LTBP1: variants seen among roughly 807,000 people sequenced by gnomAD.
The protein encoded by LTBP1 is latent transforming growth factor beta binding protein 1, also known as latent-transforming growth factor beta-binding protein 1.
In LTBP1, 129 loss-of-function variants were observed where a neutral mutation model predicts 207.6. That is an observed-to-expected ratio of 0.62 (90% CI 0.54 to 0.72). LTBP1 has a LOEUF of 0.72. LTBP1 is among the 30% of genes least tolerant of loss of function. The pLI is 0.00. For missense variants in LTBP1, 2,281 were observed against 2,217.2 expected (o/e 1.03, Z -0.58); for synonymous variants, 963 against 833.7 (o/e 1.16, Z -2.67).
intron 26 of LTBP1, among the ~76,000 whole-genome samples, chr2:33,353,405 AC>A (rs2094809775): frequency 6.6e-6 from 1 of 152,004 alleles, no homozygotes; most frequent in South Asian, 2.1e-4. Flanking sequence ...TGCTCTCAAC[AC>A]GCCTTGCTTT....
At chr2:33,081,491 A>C (rs2078395941) in intron 3 of LTBP1, among the ~76,000 whole-genome samples, 1 of 152,090 alleles carries the variant, frequency 6.6e-6, no homozygotes, top group African/African-American at 2.4e-5. Context: ...TAGAAATGTG[A>C]GAAGGGCAGT....
chr2:33,016,541 T>A (rs1688404184), intron 2 of LTBP1, among the ~76,000 whole-genome samples: 1 of 152,070 alleles, frequency 6.6e-6, no homozygotes, highest in Non-Finnish European at 1.5e-5. Flanking sequence ...GGCCTGGGTT[T>A]GGGGAGTTTT....
chr2:33,397,945 G>A (rs1249042490), intron 33 of LTBP1, among the ~76,000 whole-genome samples: 2 of 152,080 alleles, frequency 1.3e-5, no homozygotes, highest in African/African-American at 2.4e-5. Context: ...GAGCCTAAAT[G>A]GGTCTCATGT....
intron 22 of LTBP1, among the ~76,000 whole-genome samples, chr2:33,302,566 A>T (rs1341644164): frequency 6.6e-6 from 1 of 152,164 alleles, no homozygotes; most frequent in Admixed American, 6.5e-5. Flanking sequence ...ACTTGGCAGA[A>T]GCAGTCACAA....
intron 4 of LTBP1, among the ~76,000 whole-genome samples, chr2:33,117,603 C>T (rs1047685067): frequency 1.3e-5 from 2 of 152,180 alleles, no homozygotes; most frequent in Admixed American, 6.5e-5. Context: ...ATATTTAACA[C>T]GGACAGGTCT....
At chr2:33,001,737 C>A (rs1686082621) in intron 2 of LTBP1, among the ~76,000 whole-genome samples, 1 of 134,626 alleles carries the variant, frequency 7.4e-6, no homozygotes, top group African/African-American at 2.6e-5. Context: ...TCGTATAGGC[C>A]CTGCCAGAAT....
intron 3 of LTBP1, among the ~76,000 whole-genome samples, chr2:33,054,654 G>A (rs1182494711): frequency 6.6e-6 from 1 of 152,196 alleles, no homozygotes; most frequent in Non-Finnish European, 1.5e-5. Flanking sequence ...GCTGTCCCAG[G>A]ATTCCTTGGG....
At chr2:33,003,804 A>T (rs147680246) in intron 2 of LTBP1, among the ~76,000 whole-genome samples, 116 of 152,286 alleles carry the variant, frequency 7.6e-4, no homozygotes, top group African/African-American at 2.5e-3. Context: ...TCACACATAT[A>T]TGCCTGATAA....
chr2:33,021,480 G>T (rs962125718), intron 3 of LTBP1, among the ~76,000 whole-genome samples: 6 of 152,182 alleles, frequency 3.9e-5, no homozygotes, highest in African/African-American at 1.4e-4. Flanking sequence ...GGAAGGGAAT[G>T]ATAAAAATAG....
At chr2:33,239,707 A>G (rs1166530825) in intron 9 of LTBP1, among the ~76,000 whole-genome samples, 2 of 149,850 alleles carry the variant, frequency 1.3e-5, no homozygotes, top group Non-Finnish European at 3.0e-5. Context: ...AGCCTGGCCA[A>G]CATGGTGAAA....
At chr2:33,193,448 T>C (rs1318064712) in intron 7 of LTBP1, among the ~76,000 whole-genome samples, 1 of 152,090 alleles carries the variant, frequency 6.6e-6, no homozygotes, top group Admixed American at 6.5e-5. Flanking sequence ...AGCAGGAAAA[T>C]GTCCTTATTC....
At position 32,947,397 on chromosome 2, in the gene LTBP1, C is replaced by A; in HGVS notation, c.73C>A (p.Leu25Met). ...GLLASSAHGR[L>M]RRITYVVHPG... ...CCTCGCGTCCTCGGCGCACGGCCGG[C>A]TGCGGAGGATCACCTACGTGGTGCA... The change falls in exon 1 of 34, where the codon CTG becomes ATG. Residue 25 changes from leucine (L) to methionine (M), a missense_variant. Around this residue, in one of 3 missense-constraint regions of LTBP1, gnomAD observed 555 missense variants for 491.0 expected, o/e 1.13. Transcript: ENST00000404816. The A allele has an allele frequency of 7.1e-7, 1 of 1,410,224 alleles. No homozygotes were observed. Among genetic ancestry groups the A allele is most frequent in the Non-Finnish European group, 9.2e-7 (1 of 1,082,588 alleles). 87.4% of individuals were successfully genotyped at this position (1,410,224 alleles called of 1,614,324 possible).
intron 23 of LTBP1, among the ~76,000 whole-genome samples, 188 bp from the exon 24 acceptor site, chr2:33,314,956 C>G (rs931096655): frequency 6.6e-6 from 1 of 152,158 alleles, no homozygotes; most frequent in Non-Finnish European, 1.5e-5. Context: ...TATTTCCTAA[C>G]TCAACCTAAA....
chr2:32,948,558 A>G (rs1676625668), intron 1 of LTBP1, among the ~76,000 whole-genome samples: 1 of 152,190 alleles, frequency 6.6e-6, no homozygotes, highest in African/African-American at 2.4e-5. Flanking sequence ...GTTGGCCCAG[A>G]TAATAGAAAA....
intron 3 of LTBP1, among the ~76,000 whole-genome samples, chr2:33,086,434 C>T (rs2078758435): frequency 6.6e-6 from 1 of 152,202 alleles, no homozygotes; most frequent in Admixed American, 6.5e-5. Flanking sequence ...TTGGTGCCTG[C>T]TCTAAGGAGT....
chr2:33,271,636 A>G (rs2093324021), intron 15 of LTBP1, among the ~76,000 whole-genome samples: 1 of 152,178 alleles, frequency 6.6e-6, no homozygotes, highest in South Asian at 2.1e-4. Context: ...TTAGTGTAAA[A>G]ATTTTAAAAA....
intron 24 of LTBP1, among the ~76,000 whole-genome samples, chr2:33,337,981 T>G (rs977822365): frequency 2.6e-5 from 4 of 152,200 alleles, no homozygotes; most frequent in African/African-American, 9.6e-5. Context: ...TGGAAAAATA[T>G]CTCAGAGAGC....
At chr2:33,201,020 C>T (rs910757540) in intron 7 of LTBP1, among the ~76,000 whole-genome samples, 1 of 152,202 alleles carries the variant, frequency 6.6e-6, no homozygotes, top group Non-Finnish European at 1.5e-5. Context: ...CACTTTTACA[C>T]TGTTGGTGGG....
intron 20 of LTBP1, among the ~76,000 whole-genome samples, chr2:33,295,968 C>T (rs2093867214): frequency 6.6e-6 from 1 of 152,180 alleles, no homozygotes; most frequent in Admixed American, 6.5e-5. Context: ...AGTGGAACAT[C>T]TAACGTGGGC....
Sources: allele counts gnomAD v4.1 joint callset (sites outside exome capture counted in the v4.1 genomes callset), GRCh38; gene constraint gnomAD v4.1.1; regional missense constraint gnomAD v4.1.1; transcripts MANE v1.5; gene names NCBI Gene and HGNC (gene_info 2026-07-23, HGNC 2026-07-21).